EPHB3: variants seen among roughly 807,000 people sequenced by gnomAD.
EPHB3 encodes ephrin type-B receptor 3.
A neutral mutation model predicts 100.2 loss-of-function variants in EPHB3; 33 were observed. That is an observed-to-expected ratio of 0.33 (90% CI 0.25 to 0.44). EPHB3 has a LOEUF of 0.44. Ranked by LOEUF, EPHB3 falls within the 20% of genes least tolerant of loss-of-function variation. The probability of loss-of-function intolerance (pLI) is 1.00; values close to 1 mark genes in which losing one functional copy is unlikely to be tolerated. For missense variants in EPHB3, 1,045 were observed against 1,378.3 expected (o/e 0.76, Z 3.83); for synonymous variants, 526 against 554.7 (o/e 0.95, Z 0.73).
rs377256974 is a variant in EPHB3 at position 184,573,052 on chromosome 3, C to T, written c.732C>T (p.Asn244=). 5.0e-5 allele frequency: 80 copies of T among 1,613,218 alleles called. No homozygotes were observed. Among genetic ancestry groups the T allele is most frequent in the Middle Eastern group, 1.6e-4 (1 of 6,062 alleles). The change falls in exon 3 of 16, where the codon AAC becomes AAT. Residue 244 remains asparagine, a synonymous_variant. Transcript: ENST00000330394. The surrounding 1 kb of genome is among the most constrained non-coding windows in gnomAD (Gnocchi z 4.5). ...LVIAPGTCIP[N]AVEVSVPLKL... Reference sequence around the variant, plus strand: ...TTGCTCCTGGCACCTGCATCCCTAACGCCGTGGAGGTGTCGGTGCCACTCA... The same window carrying T: ...TTGCTCCTGGCACCTGCATCCCTAATGCCGTGGAGGTGTCGGTGCCACTCA...
rs554015125 is a variant in EPHB3, at chr3:184,569,162, G to T, written c.119-2156G>T. On this transcript the variant is annotated intron_variant, in intron 1 of 15. Coordinates refer to ENST00000330394, the MANE Select transcript of EPHB3 (RefSeq NM_004443.4). This position sits in a 1 kb window ranked among gnomAD's most constrained non-coding sequence, Gnocchi z 5.4. ...GAGGAGGGAGGCGGCGCGAGGGAGCGGCTGGAGCCCCGGCCTGCTCCGGCG... is the reference window on the plus strand; with the variant it reads ...GAGGAGGGAGGCGGCGCGAGGGAGCTGCTGGAGCCCCGGCCTGCTCCGGCG... Among the ~76,000 whole-genome samples the T allele has an allele frequency of 2.0e-4, 31 of 152,280 alleles. No individual in the cohort carries two copies. Among genetic ancestry groups the T allele is most frequent in the African/African-American group, 7.2e-4 (30 of 41,574 alleles).
Position 184,569,648 on chromosome 3 carries a change from C to T in EPHB3, c.119-1670C>T, listed in dbSNP as rs987748917. Among the ~76,000 whole-genome samples the T allele has an allele frequency of 6.6e-6, 1 of 152,262 alleles. No individual in the cohort carries two copies. Among genetic ancestry groups the T allele is most frequent in the Non-Finnish European group, 1.5e-5 (1 of 68,038 alleles). ...GGGGCTGCGGCAGCGGGAGGAGCCT[C>T]CCTCCCTGCAGTGAATGGCTGCTGC... On this transcript the variant is annotated intron_variant, in intron 1 of 15. Transcript: ENST00000330394. This position sits in a 1 kb window ranked among gnomAD's most constrained non-coding sequence, Gnocchi z 5.4.
At chr3:184,580,932 T>C in intron 13 of EPHB3, 40 bp from the exon 14 acceptor site, 2 of 1,607,546 alleles carry the variant, frequency 1.2e-6, no homozygotes, top group South Asian at 2.2e-5. Context: ...CTGGGGATCA[T>C]GGCAGTGGCT....
chr3:184,580,014 C>A (rs1323614648), intron 11 of EPHB3, 80 bp downstream of exon 11: 1 of 1,548,452 alleles, frequency 6.5e-7, no homozygotes, highest in Admixed American at 2.0e-5. Context: ...AGTCAGACAG[C>A]CCCTATTCAA....
chr3:184,580,318 G>A (rs1714787487), intron 11 of EPHB3, 84 bp from the exon 12 acceptor site: 2 of 1,552,820 alleles, frequency 1.3e-6, no homozygotes, highest in African/African-American at 1.4e-5. Flanking sequence ...GGTAGAGTCT[G>A]AGTACTCGGA....
Position 184,579,841 on chromosome 3 carries a change from T to TA in EPHB3, c.2080dup (p.Ile694AsnfsTer19). 6.2e-7 allele frequency: 1 copy of TA among 1,613,344 alleles called. No homozygotes were observed. The highest frequency in any genetic ancestry group is 8.5e-7 in the Non-Finnish European group (1 of 1,179,926). ...TCATGGGTCAGTTTGATCACCCCAA[T>TA]ATAATCCGGCTCGAGGGCGTGGTCA... is the stretch of plus-strand genomic sequence containing the variant. On this transcript the variant is annotated frameshift_variant, in exon 11 of 16. Transcript: ENST00000330394. LOFTEE classifies it high-confidence loss of function. This position sits in a 1 kb window ranked among gnomAD's most constrained non-coding sequence, Gnocchi z 5.2.
Position 184,578,747 on chromosome 3 carries a change from G to A in EPHB3, c.1801+281G>A, listed in dbSNP as rs145128081. Among the ~76,000 whole-genome samples, 17 of 152,326 alleles carry A rather than the reference G, an allele frequency of 1.1e-4. No individual in the cohort carries two copies. The East Asian group carries it at 3.1e-3, about 28-fold the overall frequency. On this transcript the variant is annotated intron_variant, in intron 9 of 15. Coordinates refer to ENST00000330394, the MANE Select transcript of EPHB3 (RefSeq NM_004443.4). This position sits in a 1 kb window ranked among gnomAD's most constrained non-coding sequence, Gnocchi z 4.7. ...TGCAAACACACAGGAAACAATTTGA[G>A]AACAATTAAGGGTTGAGCTGGGTGC...
Position 184,580,454 on chromosome 3 carries a change from TTGC to T in EPHB3, c.2229_2231del (p.Ala744del). On this transcript the variant is annotated inframe_deletion, in exon 12 of 16. Coordinates refer to ENST00000330394, the MANE Select transcript of EPHB3 (RefSeq NM_004443.4). ...CAGCTGGTGGGCATGTTGCGGGGCA[TTGC>T]TGCCGGCATGAAGTACCTGTCCGAG... is the stretch of plus-strand genomic sequence containing the variant. 1 of 1,614,200 alleles carries T rather than the reference TTGC, an allele frequency of 6.2e-7. No individual in the cohort carries two copies. The highest frequency in any genetic ancestry group is 8.5e-7 in the Non-Finnish European group (1 of 1,180,024).
At chr3:184,580,247 C>T (rs568893010) in intron 11 of EPHB3, among the ~76,000 whole-genome samples, 155 bp from the exon 12 acceptor site, 2 of 152,200 alleles carry the variant, frequency 1.3e-5, no homozygotes, top group Non-Finnish European at 2.9e-5. Flanking sequence ...AGATACTTGA[C>T]ACATAGTAGG....
intron 3 of EPHB3, chr3:184,575,090 C>A: frequency 1.0e-6 from 1 of 957,850 alleles, no homozygotes; most frequent in Non-Finnish European, 1.2e-6. Context: ...GTGAAGAATA[C>A]ACGATAAGGC....
Position 184,579,387 on chromosome 3 carries a change from G to T in EPHB3, c.1802-90G>T, listed in dbSNP as rs1246332233. The T allele has an allele frequency of 6.4e-7, 1 of 1,558,758 alleles. No individual in the cohort carries two copies. The highest frequency in any genetic ancestry group is 8.7e-7 in the Non-Finnish European group (1 of 1,147,260). On this transcript the variant is annotated intron_variant, in intron 9 of 15. Transcript: ENST00000330394. The surrounding 1 kb of genome is among the most constrained non-coding windows in gnomAD (Gnocchi z 5.2). ...AGCAACACAGAGGAATATGGGGCTG[G>T]GCTCAGCAGGGAGCCTGCTGGAGCT...
At chr3:184,580,950 G>T in intron 13 of EPHB3, 22 bp from the exon 14 acceptor site, 2 of 1,608,066 alleles carry the variant, frequency 1.2e-6, no homozygotes, top group Non-Finnish European at 1.7e-6. Context: ...GCTCACTCAG[G>T]GTTTCCCTGC....
At position 184,580,825 on chromosome 3, in the gene EPHB3, T is replaced by C. The variant is rs201145215; in HGVS notation, c.2485T>C (p.Trp829Arg). The part of the protein sequence containing the change: ...SDVWSYGIVM[W>R]EVMSYGERPY... ...TGTCTGGAGCTACGGAATTGTCATG[T>C]GGGAGGTCATGAGCTATGGAGAGCG... is the stretch of plus-strand genomic sequence containing the variant. Residue 829 changes from tryptophan (W) to arginine (R), a missense_variant, in exon 13 of 16, where the codon TGG becomes CGG. Transcript: ENST00000330394. 1 of 1,614,222 alleles carries C rather than the reference T, an allele frequency of 6.2e-7. No individual in the cohort carries two copies. Among genetic ancestry groups the C allele is most frequent in the South Asian group, 1.1e-5 (1 of 91,090 alleles).
In EPHB3 at chr3:184,577,321, G is replaced by A. The variant is rs1432878821; in HGVS notation, c.1355-22G>A. 4.3e-6 allele frequency: 7 copies of A among 1,610,252 alleles called. No homozygotes were observed. In the East Asian group the frequency reaches 1.3e-4, roughly 31 times the overall value. On this transcript the variant is annotated intron_variant, in intron 5 of 15. Coordinates refer to ENST00000330394, the MANE Select transcript of EPHB3 (RefSeq NM_004443.4). This position sits in a 1 kb window ranked among gnomAD's most constrained non-coding sequence, Gnocchi z 4.9. ...GATGCCAGGGTCCAGGGAGCCCCTG[G>A]TGAGCCCTCTGCTCTTCCCAGCCCC...
At position 184,572,261 on chromosome 3, in the gene EPHB3, C is replaced by T. The variant is rs1714558793; in HGVS notation, c.184-243C>T. On this transcript the variant is annotated intron_variant, in intron 2 of 15. Transcript: ENST00000330394. This position sits in a 1 kb window ranked among gnomAD's most constrained non-coding sequence, Gnocchi z 6.6. ...GCTTTATTCAGTTAAAGTCATTATT[C>T]CTTACACATCTTTATTATCCCCATG... Among the ~76,000 whole-genome samples the T allele has an allele frequency of 6.6e-6, 1 of 152,184 alleles. No individual in the cohort carries two copies. Among genetic ancestry groups the T allele is most frequent in the Non-Finnish European group, 1.5e-5 (1 of 68,050 alleles).
chr3:184,580,213 G>A (rs1714785088), intron 11 of EPHB3, among the ~76,000 whole-genome samples, 189 bp from the exon 12 acceptor site: 1 of 152,182 alleles, frequency 6.6e-6, no homozygotes. Context: ...GTCCTCATGG[G>A]GATTAACTGG....
At chr3:184,574,232 T>C (rs1418088267) in intron 3 of EPHB3, among the ~76,000 whole-genome samples, 1 of 152,202 alleles carries the variant, frequency 6.6e-6, no homozygotes, top group Non-Finnish European at 1.5e-5. Flanking sequence ...GTTCTGCCCT[T>C]ATTGTATACA....
At position 184,569,052 on chromosome 3, in the gene EPHB3, T is replaced by TGGAGGG. The variant is rs139428870; in HGVS notation, c.119-2257_119-2252dup. ...GTTTTAAACTGTGGAGGAATCTGGC[T>TGGAGGG]GGAGGGGGAGGGGGCTGAATATTTG... On this transcript the variant is annotated intron_variant, in intron 1 of 15. Coordinates refer to ENST00000330394, the MANE Select transcript of EPHB3 (RefSeq NM_004443.4). This position sits in a 1 kb window ranked among gnomAD's most constrained non-coding sequence, Gnocchi z 5.4. Among the ~76,000 whole-genome samples, 992 of 152,022 alleles carry TGGAGGG rather than the reference T, an allele frequency of 6.5e-3. 11 individuals are homozygous for TGGAGGG. Among genetic ancestry groups the TGGAGGG allele is most frequent in the African/African-American group, 0.023 (936 of 41,520 alleles).
At position 184,575,617 on chromosome 3, in the gene EPHB3, C is replaced by T. The variant is rs375097136; in HGVS notation, c.857-213C>T. ...GGGGTAGGGGTGAGGGGGGCAGGGGCGGGGAGGAATCTGCTGACGTGGGGT... is the reference window on the plus strand; with the variant it reads ...GGGGTAGGGGTGAGGGGGGCAGGGGTGGGGAGGAATCTGCTGACGTGGGGT... On this transcript the variant is annotated intron_variant, in intron 3 of 15. Coordinates refer to ENST00000330394, the MANE Select transcript of EPHB3 (RefSeq NM_004443.4). Among the ~76,000 whole-genome samples the T allele has an allele frequency of 9.9e-5, 15 of 151,020 alleles. No homozygotes were observed. The South Asian group carries it at 1.1e-3, about 11-fold the overall frequency.
Sources: gnomAD v4.1 joint callset for allele counts (sites outside exome capture counted in the v4.1 genomes callset) on GRCh38, gnomAD v4.1.1 for gene constraint, Gnocchi (gnomAD v3.1) non-coding constraint, MANE v1.5 for transcripts, NCBI Gene and HGNC (gene_info 2026-07-23, HGNC 2026-07-21) for gene names.